The following CTNNA3 variants were observed in gnomAD, a reference collection of about 807,000 sequenced individuals.
The protein encoded by CTNNA3 is catenin alpha 3.
In CTNNA3, 76 loss-of-function variants were observed where a neutral mutation model predicts 95.7. The ratio of observed to expected loss-of-function variants is 0.79; its 90% CI spans 0.66 to 0.96. CTNNA3 has a LOEUF of 0.96. Among genes scored for constraint, CTNNA3 ranks in the 40% least tolerant of loss-of-function variants. CTNNA3 has a pLI of 0.00. For synonymous variants in CTNNA3, 431 were observed against 374.4 expected (o/e 1.15, Z -1.74); for missense variants, 1,191 against 1,089.8 (o/e 1.09, Z -1.31).
intron 11 of CTNNA3, among the ~76,000 whole-genome samples, chr10:66,456,058 A>T (rs139294938): frequency 8.1e-4 from 124 of 152,310 alleles, no homozygotes; most frequent in African/African-American, 2.9e-3. Context: ...GGGCCAAATA[A>T]ATTGAGACAT....
intron 7 of CTNNA3, among the ~76,000 whole-genome samples, chr10:66,843,199 A>T (rs1843127473): frequency 1.3e-5 from 2 of 152,168 alleles, no homozygotes; most frequent in African/African-American, 4.8e-5. Flanking sequence ...TGACATCTTC[A>T]CTTTATAAAT....
At chr10:66,586,902 A>C (rs1466928867) in intron 10 of CTNNA3, among the ~76,000 whole-genome samples, 1 of 152,134 alleles carries the variant, frequency 6.6e-6, no homozygotes, top group Non-Finnish European at 1.5e-5. Context: ...CTCTTTCCCC[A>C]AAAAATAGTA....
intron 15 of CTNNA3, among the ~76,000 whole-genome samples, chr10:66,006,682 G>T (rs2078893478): frequency 6.6e-6 from 1 of 152,068 alleles, no homozygotes; most frequent in Non-Finnish European, 1.5e-5. Context: ...GTGATATACT[G>T]GCTGCCCCTG....
chr10:67,599,652 G>A (rs1193390661), intron 3 of CTNNA3, among the ~76,000 whole-genome samples: 1 of 152,114 alleles, frequency 6.6e-6, no homozygotes, highest in Non-Finnish European at 1.5e-5. Flanking sequence ...TAAATTAAAT[G>A]TTATAAAGTA....
chr10:67,671,571 C>T (rs1840434091), intron 1 of CTNNA3, among the ~76,000 whole-genome samples: 4 of 150,590 alleles, frequency 2.7e-5, no homozygotes, highest in Admixed American at 2.6e-4. Flanking sequence ...CAAGTGTTCT[C>T]ATTGTTCAAT....
intron 6 of CTNNA3, among the ~76,000 whole-genome samples, 170 bp downstream of exon 6, chr10:67,219,437 G>A (rs1864543501): frequency 3.3e-5 from 5 of 152,162 alleles, no homozygotes; most frequent in Admixed American, 6.5e-5. Context: ...TACTAACAGA[G>A]TACTTTCCTG....
chr10:66,788,314 A>G (rs1323169290), intron 7 of CTNNA3, among the ~76,000 whole-genome samples: 1 of 152,112 alleles, frequency 6.6e-6, no homozygotes, highest in African/African-American at 2.4e-5. Context: ...GAGCAGGGTG[A>G]TTTGGACAGG....
intron 3 of CTNNA3, among the ~76,000 whole-genome samples, chr10:67,601,748 T>C (rs1234373591): frequency 6.6e-6 from 1 of 152,228 alleles, no homozygotes; most frequent in Non-Finnish European, 1.5e-5. Context: ...GTATTGGTAG[T>C]GTAGGAGTAA....
intron 15 of CTNNA3, among the ~76,000 whole-genome samples, chr10:66,021,806 C>A (rs1006783159): frequency 3.0e-5 from 4 of 132,812 alleles, no homozygotes; most frequent in Non-Finnish European, 6.2e-5. Context: ...AGTAACATAT[C>A]TTTTTTCCCC....
intron 13 of CTNNA3, among the ~76,000 whole-genome samples, chr10:66,255,970 T>C (rs906164845): frequency 3.3e-5 from 5 of 152,142 alleles, no homozygotes; most frequent in Non-Finnish European, 5.9e-5. Flanking sequence ...AGTTTGAGCT[T>C]AGGTGGATGA....
chr10:66,199,723 T>A (rs1372191926), intron 13 of CTNNA3, among the ~76,000 whole-genome samples: 1 of 134,470 alleles, frequency 7.4e-6, no homozygotes, highest in Non-Finnish European at 1.5e-5. Context: ...TGCCTCAGCC[T>A]CCTGATTAGC....
At chr10:67,422,932 A>C (rs1402848893) in intron 5 of CTNNA3, among the ~76,000 whole-genome samples, 1 of 152,088 alleles carries the variant, frequency 6.6e-6, no homozygotes, top group Non-Finnish European at 1.5e-5. Context: ...TTCTTTCTAA[A>C]AGGCCTAGTA....
chr10:66,049,882 A>C (rs2079910705), intron 15 of CTNNA3, among the ~76,000 whole-genome samples: 1 of 152,158 alleles, frequency 6.6e-6, no homozygotes, highest in Non-Finnish European at 1.5e-5. Flanking sequence ...TACGTACAAC[A>C]AACCCGTGTA....
intron 15 of CTNNA3, among the ~76,000 whole-genome samples, chr10:66,036,473 A>C (rs117597151): frequency 0.05 from 7,595 of 152,148 alleles, 245 homozygotes; most frequent in East Asian, 0.17. Context: ...TCCTGGGTTC[A>C]AGTGATTCTT....
chr10:66,086,512 T>C (rs1589362890), intron 14 of CTNNA3, among the ~76,000 whole-genome samples: 2 of 152,038 alleles, frequency 1.3e-5, no homozygotes, highest in South Asian at 4.2e-4. Flanking sequence ...AGTAGCAGAA[T>C]AAACATATGT....
chr10:67,187,091 C>T (rs1862888911), intron 6 of CTNNA3, among the ~76,000 whole-genome samples: 1 of 152,048 alleles, frequency 6.6e-6, no homozygotes, highest in Non-Finnish European at 1.5e-5. Context: ...CTTCCTACCA[C>T]TTCTTTTCAA....
intron 9 of CTNNA3, among the ~76,000 whole-genome samples, chr10:66,731,648 T>G (rs909368140): frequency 2.0e-5 from 3 of 152,220 alleles, no homozygotes; most frequent in Non-Finnish European, 4.4e-5. Flanking sequence ...CATAGCTTTC[T>G]GAAGCAGAGT....
intron 17 of CTNNA3, among the ~76,000 whole-genome samples, chr10:65,958,483 T>G (rs138185408): frequency 6.6e-6 from 1 of 152,332 alleles, no homozygotes; most frequent in African/African-American, 2.4e-5. Flanking sequence ...TTTTTAGAAT[T>G]TTCAGCTTTT....
intron 1 of CTNNA3, among the ~76,000 whole-genome samples, chr10:67,729,763 G>T (rs1841264278): frequency 1.3e-5 from 2 of 152,034 alleles, no homozygotes; most frequent in East Asian, 3.9e-4. Flanking sequence ...AAACATTTTA[G>T]AACTAGATAG....
Sources: gnomAD v4.1 joint callset for allele counts (sites outside exome capture counted in the v4.1 genomes callset) on GRCh38, gnomAD v4.1.1 for gene constraint, MANE v1.5 for transcripts, NCBI Gene and HGNC (gene_info 2026-07-23, HGNC 2026-07-21) for gene names.